The following FAP variants were observed in gnomAD, a reference collection of about 807,000 sequenced individuals.
FAP encodes prolyl endopeptidase FAP.
A neutral mutation model predicts 126.5 loss-of-function variants in FAP; 110 were observed. The observed-to-expected ratio is 0.87, with a 90% CI of 0.74 to 1.02. FAP has a LOEUF of 1.02. FAP is among the 50% of genes least tolerant of loss of function. The pLI is 0.00. For missense variants in FAP, 919 were observed against 909.2 expected (o/e 1.01, Z -0.14); for synonymous variants, 334 against 297.3 (o/e 1.12, Z -1.27).
At position 162,203,135 on chromosome 2, in the gene FAP, G is replaced by T; in HGVS notation, c.1058C>A (p.Ser353Ter). The T allele has an allele frequency of 2.5e-6, 4 of 1,608,762 alleles. No homozygotes were observed. The highest frequency in any genetic ancestry group is 3.4e-6 in the Non-Finnish European group (4 of 1,177,080). ...RTGWAGGFFV[S>*]TPVFSYDAIS... Reference sequence around the variant, plus strand: ...GGCATCATAGCTGAAAACTGGTGTTGAAACAAAGAACTGAAAAAAATTAGC... The same window carrying T: ...GGCATCATAGCTGAAAACTGGTGTTTAAACAAAGAACTGAAAAAAATTAGC... Residue 353 changes from serine to a stop codon, truncating the protein, a stop_gained, in exon 13 of 26, where the codon TCA becomes TAA. Transcript: ENST00000188790. LOFTEE classifies it high-confidence loss of function.
chr2:162,235,845 A>T (rs904648139), intron 2 of FAP, among the ~76,000 whole-genome samples: 8 of 152,196 alleles, frequency 5.3e-5, no homozygotes. Flanking sequence ...CTCACTGTGA[A>T]GGTCTGCAGC....
chr2:162,211,744 A>G (rs1688943823), intron 11 of FAP, among the ~76,000 whole-genome samples: 1 of 152,208 alleles, frequency 6.6e-6, no homozygotes, highest in Admixed American at 6.5e-5. Flanking sequence ...ATAATATAAA[A>G]GATGTTTCTT....
chr2:162,172,541 A>G, intron 25 of FAP: 1 of 364,756 alleles, frequency 2.7e-6, no homozygotes, highest in African/African-American at 2.0e-5. Flanking sequence ...TTTCAGAACT[A>G]CTGGATGTTT....
intron 6 of FAP, among the ~76,000 whole-genome samples, chr2:162,220,397 G>A (rs945000289): frequency 9.9e-5 from 15 of 152,216 alleles, no homozygotes; most frequent in African/African-American, 3.1e-4. Flanking sequence ...GGTCACTGAA[G>A]TGCCTTCCAG....
intron 17 of FAP, among the ~76,000 whole-genome samples, chr2:162,193,385 G>A (rs1195721186): frequency 6.6e-6 from 1 of 152,122 alleles, no homozygotes; most frequent in Non-Finnish European, 1.5e-5. Context: ...AATTACATCT[G>A]ACATATCTGA....
chr2:162,194,035 G>C (rs753551283), intron 17 of FAP: 1 of 152,104 alleles, frequency 6.6e-6, no homozygotes. Flanking sequence ...ACTCTGCTGC[G>C]AGCAAAACTG....
At chr2:162,185,698 G>C (rs1477592137) in intron 20 of FAP, among the ~76,000 whole-genome samples, 5 of 151,836 alleles carry the variant, frequency 3.3e-5, no homozygotes, top group African/African-American at 1.2e-4. Flanking sequence ...TTTTCTTTTG[G>C]TATGTCAAAA....
Position 162,179,794 on chromosome 2 carries a change from A to ATCTATCTATC in FAP, c.1869+3619_1869+3620insGATAGATAGA, listed in dbSNP as rs1559761499. 5.4e-3 allele frequency among the ~76,000 whole-genome samples: 348 copies of ATCTATCTATC among 64,628 alleles called. 1 individual carries two copies. The highest frequency in any genetic ancestry group is 0.012 in the African/African-American group (308 of 25,420). The allele number at this position is 64,628 out of a possible 152,430, so 42.4% of individuals were successfully genotyped here. On this transcript the variant is annotated intron_variant, in intron 21 of 25. Transcript: ENST00000188790. ...TCTATCTATCTATCTATCTATCTAT[A>ATCTATCTATC]TATATATATATATATATATTTTTTT...
intron 2 of FAP, among the ~76,000 whole-genome samples, chr2:162,236,718 C>T (rs1357272971): frequency 6.6e-6 from 1 of 152,148 alleles, no homozygotes; most frequent in Non-Finnish European, 1.5e-5. Context: ...TCAGGCAATT[C>T]TGCCTCAGCC....
At chr2:162,176,729 G>C (rs1242871001) in intron 21 of FAP, 1 of 152,038 alleles carries the variant, frequency 6.6e-6, no homozygotes, top group Non-Finnish European at 1.5e-5. Context: ...AAAAATACTG[G>C]GTCCTGCTTC....
chr2:162,185,030 C>T (rs1687815084), intron 20 of FAP, among the ~76,000 whole-genome samples: 1 of 152,222 alleles, frequency 6.6e-6, no homozygotes, highest in South Asian at 2.1e-4. Context: ...TGTTGCAGGA[C>T]TAGGTTAAAG....
intron 8 of FAP, among the ~76,000 whole-genome samples, chr2:162,218,441 T>A (rs112867046): frequency 6.6e-6 from 1 of 152,016 alleles, no homozygotes; most frequent in East Asian, 1.9e-4. Context: ...CAGTTTCAGG[T>A]TTTTTAGTCA....
intron 15 of FAP, 63 bp from the exon 16 acceptor site, chr2:162,198,944 A>G (rs1688379475): frequency 1.4e-6 from 2 of 1,446,328 alleles, no homozygotes; most frequent in South Asian, 2.4e-5. Flanking sequence ...AAAATGTACT[A>G]CTCCATGTAA....
chr2:162,173,650 C>G, intron 23 of FAP, 73 bp downstream of exon 23: 2 of 1,037,926 alleles, frequency 1.9e-6, no homozygotes, highest in Non-Finnish European at 3.0e-6. Context: ...ACTGTAAATT[C>G]TGAACTACTG....
chr2:162,202,975 C>A, intron 13 of FAP, 33 bp from the exon 14 acceptor site: 2 of 1,606,412 alleles, frequency 1.2e-6, no homozygotes, highest in South Asian at 1.1e-5. Context: ...TTGTGTGAAA[C>A]TGAGCGTTAT....
At chr2:162,173,535 A>G (rs1687386496) in intron 23 of FAP, among the ~76,000 whole-genome samples, 188 bp downstream of exon 23, 1 of 152,020 alleles carries the variant, frequency 6.6e-6, no homozygotes, top group Non-Finnish European at 1.5e-5. Context: ...TAGGGAAGGG[A>G]GGATGGGAAA....
At chr2:162,197,097 T>C (rs1428595372) in intron 16 of FAP, among the ~76,000 whole-genome samples, 1 of 152,220 alleles carries the variant, frequency 6.6e-6, no homozygotes, top group Non-Finnish European at 1.5e-5. Flanking sequence ...AATGCATACA[T>C]ATATAAATGC....
chr2:162,181,175 G>A (rs1377440510), intron 21 of FAP, among the ~76,000 whole-genome samples: 1 of 152,084 alleles, frequency 6.6e-6, no homozygotes, highest in Non-Finnish European at 1.5e-5. Flanking sequence ...TACTCAGGAG[G>A]CTGAGGCGGG....
intron 13 of FAP, 40 bp downstream of exon 13, chr2:162,203,001 T>C (rs765018728): frequency 5.7e-6 from 9 of 1,586,158 alleles, no homozygotes; most frequent in Non-Finnish European, 7.8e-6. Context: ...CAACCTCAAG[T>C]GAATGATCTT....
Sources: gnomAD v4.1 joint callset for allele counts (sites outside exome capture counted in the v4.1 genomes callset) on GRCh38, gnomAD v4.1.1 for gene constraint, MANE v1.5 for transcripts, NCBI Gene and HGNC (gene_info 2026-07-23, HGNC 2026-07-21) for gene names.